SC5D: variants seen among roughly 807,000 people sequenced by gnomAD.
SC5D encodes sterol-C5-desaturase, also known as lathosterol oxidase.
SC5D carries 21 observed loss-of-function variants against 23.9 expected under a neutral mutation model. That is an observed-to-expected ratio of 0.88 (90% confidence interval 0.62 to 1.26). The LOEUF is 1.26. Among genes scored for constraint, SC5D ranks in the 50% most tolerant of loss-of-function variants. The pLI is 0.00. For missense variants in SC5D, 309 were observed against 364.8 expected (o/e 0.85, Z 1.25); for synonymous variants, 113 against 125.9 (o/e 0.90, Z 0.68).
intron 1 of SC5D, among the ~76,000 whole-genome samples, chr11:121,302,463 G>C (rs1336182495): frequency 6.6e-6 from 1 of 152,218 alleles, no homozygotes; most frequent in Non-Finnish European, 1.5e-5. Flanking sequence ...AGGACCATGA[G>C]TATAGAATGG....
intron 1 of SC5D, among the ~76,000 whole-genome samples, chr11:121,293,450 T>G (rs1264130485): frequency 2.0e-5 from 3 of 152,138 alleles, no homozygotes; most frequent in African/African-American, 7.2e-5. Flanking sequence ...GCGGCGTAAT[T>G]AGAATGAAGG....
At chr11:121,294,167 C>A (rs551440579) in intron 1 of SC5D, among the ~76,000 whole-genome samples, 46 of 152,290 alleles carry the variant, frequency 3.0e-4, no homozygotes, top group African/African-American at 1.0e-3. Flanking sequence ...GAAGAAGTTT[C>A]TTTAATTCTG....
At chr11:121,303,809 C>T (rs976330458) in intron 2 of SC5D, 1 of 491,334 alleles carries the variant, frequency 2.0e-6, no homozygotes. Flanking sequence ...AGTATCGTAT[C>T]TTGCTAGATG....
chr11:121,311,821 A>G lies in SC5D; in HGVS notation c.*4309A>G, dbSNP rs1948012963. Among the ~76,000 whole-genome samples, 1 of 152,208 alleles carries G rather than the reference A, an allele frequency of 6.6e-6. No homozygotes were observed. Among genetic ancestry groups the G allele is most frequent in the Admixed American group, 6.5e-5 (1 of 15,282 alleles). Reference sequence around the variant, plus strand: ...CTATTGTTCATGTAAATTGTGCTTGATGCTTTTTCTTTCTAGATTCAATGA... The same window carrying G: ...CTATTGTTCATGTAAATTGTGCTTGGTGCTTTTTCTTTCTAGATTCAATGA... On this transcript the variant is annotated 3_prime_UTR_variant, in exon 5 of 5. Coordinates refer to ENST00000264027, the MANE Select transcript of SC5D (RefSeq NM_006918.5).
intron 1 of SC5D, among the ~76,000 whole-genome samples, chr11:121,296,455 C>A (rs1231953730): frequency 1.3e-5 from 2 of 152,226 alleles, no homozygotes; most frequent in South Asian, 2.1e-4. Context: ...GCAGTTGTGA[C>A]TTCTCTTTGG....
chr11:121,303,628 A>G (rs1045989250), intron 2 of SC5D, 43 bp downstream of exon 2: 1 of 1,446,064 alleles, frequency 6.9e-7, no homozygotes, highest in Admixed American at 1.7e-5. Context: ...TAAAGTAAAA[A>G]TAACAATATG....
Position 121,304,389 on chromosome 11 carries a change from C to G in SC5D, c.239C>G (p.Thr80Ser). The part of the protein sequence containing the change: ...KNQVRREIKF[T>S]VQALPWISIL... ...CAAGTCCGTCGAGAGATTAAGTTTACTGTCCAGGCATTGCCATGGATAAGT... is the reference window on the plus strand; with the variant it reads ...CAAGTCCGTCGAGAGATTAAGTTTAGTGTCCAGGCATTGCCATGGATAAGT... Residue 80 changes from threonine to serine, a missense_variant, in exon 3 of 5, where the codon ACT (threonine) becomes AGT (serine). Physicochemically the swap from Thr to Ser is moderately conservative, Grantham distance 58. Transcript: ENST00000264027. The G allele has an allele frequency of 6.2e-7, 1 of 1,612,862 alleles. No individual in the cohort carries two copies. Among genetic ancestry groups the G allele is most frequent in the Non-Finnish European group, 8.5e-7 (1 of 1,178,988 alleles).
In SC5D at chr11:121,307,755, A is replaced by T; in HGVS notation, c.*243A>T. 2.3e-6 allele frequency: 1 copy of T among 427,558 alleles called. No individual in the cohort carries two copies. Among genetic ancestry groups the T allele is most frequent in the Non-Finnish European group, 4.2e-6 (1 of 239,326 alleles). The allele number at this position is 427,558 out of a possible 1,614,324, so 26.5% of individuals were successfully genotyped here. A position where few individuals can be genotyped will look rare whatever the true frequency, so the allele number is the denominator to read the frequency against. Reference sequence around the variant, plus strand: ...AGATGTTGTTCGGGGGACAACTTGTATCTTTCTAGCAGCAGATCTGTAGTT... The same window carrying T: ...AGATGTTGTTCGGGGGACAACTTGTTTCTTTCTAGCAGCAGATCTGTAGTT... On this transcript the variant is annotated 3_prime_UTR_variant, in exon 5 of 5. Coordinates refer to ENST00000264027, the MANE Select transcript of SC5D (RefSeq NM_006918.5).
chr11:121,310,160 A>T lies in SC5D; in HGVS notation c.*2648A>T, dbSNP rs549226558. Among the ~76,000 whole-genome samples the T allele has an allele frequency of 1.3e-5, 2 of 152,364 alleles. No individual in the cohort carries two copies. The highest frequency in any genetic ancestry group is 4.1e-4 in the South Asian group (2 of 4,830). ...TGTAGAGAGGAGGTCTGGGAGAAAG[A>T]TGGAAACTAGGGAGATGACTGAGAA... is the stretch of plus-strand genomic sequence containing the variant. On this transcript the variant is annotated 3_prime_UTR_variant, in exon 5 of 5. Coordinates refer to ENST00000264027, the MANE Select transcript of SC5D (RefSeq NM_006918.5).
In SC5D at chr11:121,304,414, T is replaced by C; in HGVS notation, c.264T>C (p.Ser88=). ...KFTVQALPWI[S]ILTVALFLLE... ...CTGTCCAGGCATTGCCATGGATAAG[T>C]ATTCTTACTGTTGCACTGTTCTTGC... The change falls in exon 3 of 5, where the codon AGT becomes AGC. Residue 88 remains serine (S), a synonymous_variant. Coordinates refer to ENST00000264027, the MANE Select transcript of SC5D (RefSeq NM_006918.5). 1 of 1,612,554 alleles carries C rather than the reference T, an allele frequency of 6.2e-7. No individual in the cohort carries two copies. The highest frequency in any genetic ancestry group is 8.5e-7 in the Non-Finnish European group (1 of 1,178,664).
At chr11:121,301,906 A>G (rs1053349093) in intron 1 of SC5D, among the ~76,000 whole-genome samples, 2 of 152,094 alleles carry the variant, frequency 1.3e-5, no homozygotes, top group Admixed American at 1.3e-4. Context: ...GAGGGAGAGA[A>G]AAATTTGTCA....
At position 121,303,420 on chromosome 11, in the gene SC5D, A is replaced by G. The variant is rs1306677468; in HGVS notation, c.45A>G (p.Pro15=). 1.9e-6 allele frequency: 3 copies of G among 1,614,016 alleles called. No homozygotes were observed. The highest frequency in any genetic ancestry group is 1.7e-6 in the Non-Finnish European group (2 of 1,179,980). Residue 15 remains proline (P), a synonymous_variant, in exon 2 of 5, where the codon CCA becomes CCG. Coordinates refer to ENST00000264027, the MANE Select transcript of SC5D (RefSeq NM_006918.5). The part of the protein sequence containing the change: ...LRVADYYFFT[P]YVYPATWPED... ...TTGCAGATTACTATTTTTTTACACC[A>G]TACGTGTATCCAGCCACATGGCCAG... is the stretch of plus-strand genomic sequence containing the variant.
chr11:121,299,606 T>C (rs1223347637), intron 1 of SC5D, among the ~76,000 whole-genome samples: 1 of 152,228 alleles, frequency 6.6e-6, no homozygotes, highest in Admixed American at 6.5e-5. Context: ...ATATTTGATA[T>C]GAGCTGGTCA....
At position 121,307,189 on chromosome 11, in the gene SC5D, GTTTA is replaced by G. The variant is rs768952624; in HGVS notation, c.582_585del (p.Tyr194Ter). 1 of 1,614,076 alleles carries G rather than the reference GTTTA, an allele frequency of 6.2e-7. No homozygotes were observed. Among genetic ancestry groups the G allele is most frequent in the Non-Finnish European group, 8.5e-7 (1 of 1,179,992 alleles). On this transcript the variant is annotated frameshift_variant, in exon 5 of 5. Transcript: ENST00000264027. LOFTEE classifies it high-confidence loss of function. ...TTTTATCTTTCCATTACACAAGGTG[GTTTA>G]TTTAAGTCTGTACATCTTGGTTAAT...
At chr11:121,304,778 C>A in intron 3 of SC5D, 1 of 308,560 alleles carries the variant, frequency 3.2e-6, no homozygotes, top group Non-Finnish European at 6.2e-6. Flanking sequence ...TTGAATTCAA[C>A]CTTCTAAAAA....
Position 121,313,142 on chromosome 11 carries a change from C to T in SC5D, c.*5630C>T, listed in dbSNP as rs886047881. 3.3e-5 allele frequency among the ~76,000 whole-genome samples: 5 copies of T among 152,150 alleles called. No homozygotes were observed. The highest frequency in any genetic ancestry group is 6.5e-5 in the Admixed American group (1 of 15,270). The stretch of plus-strand genomic sequence containing the variant: ...CAGCCCTAGGTCACCACTGATCCAC[C>T]TTCTGTTACTGGAAGGTTAGTTTTC... On this transcript the variant is annotated 3_prime_UTR_variant, in exon 5 of 5. Coordinates refer to ENST00000264027, the MANE Select transcript of SC5D (RefSeq NM_006918.5).
Position 121,307,594 on chromosome 11 carries a change from T to C in SC5D, c.*82T>C. The C allele has an allele frequency of 1.2e-6, 1 of 864,172 alleles. No homozygotes were observed. Among genetic ancestry groups the C allele is most frequent in the African/African-American group, 1.7e-5 (1 of 58,696 alleles). The allele number at this position is 864,172 out of a possible 1,614,324, so 53.5% of individuals were successfully genotyped here. On this transcript the variant is annotated 3_prime_UTR_variant, in exon 5 of 5. Coordinates refer to ENST00000264027, the MANE Select transcript of SC5D (RefSeq NM_006918.5). ...TTTTTTTAATAAGGAAAAAATAATA[T>C]CCATACAGTCAAGATACATAGTAAA... is the stretch of plus-strand genomic sequence containing the variant.
intron 3 of SC5D, chr11:121,304,823 A>C (rs1947952262): frequency 3.6e-6 from 1 of 281,214 alleles, no homozygotes; most frequent in African/African-American, 2.2e-5. Context: ...CTGAAAGTTA[A>C]AAACAGATTT....
At chr11:121,297,598 T>A (rs577320567) in intron 1 of SC5D, among the ~76,000 whole-genome samples, 1 of 152,272 alleles carries the variant, frequency 6.6e-6, no homozygotes, top group Admixed American at 6.5e-5. Flanking sequence ...CGTGGCAGTG[T>A]GGGAACTACC....
Sources: allele counts gnomAD v4.1 joint callset (sites outside exome capture counted in the v4.1 genomes callset), GRCh38; gene constraint gnomAD v4.1.1; transcripts MANE v1.5; gene names NCBI Gene and HGNC (gene_info 2026-07-23, HGNC 2026-07-21).